ZNF184: variants seen among roughly 807,000 people sequenced by gnomAD.
ZNF184 encodes zinc finger protein 184 (Kruppel-like).
A neutral mutation model predicts 54.4 loss-of-function variants in ZNF184; 16 were observed. The ratio of observed to expected loss-of-function variants is 0.29; its 90% CI spans 0.20 to 0.45. ZNF184 has a LOEUF of 0.45. Among genes scored for constraint, ZNF184 ranks in the 20% least tolerant of loss-of-function variants. ZNF184 has a pLI of 1.00. For synonymous variants in ZNF184, 254 were observed against 295.3 expected, an observed-to-expected ratio of 0.86 and a Z score of 1.43; for missense variants, 681 against 888.2, an observed-to-expected ratio of 0.77 and a Z score of 2.97.
the ZNF184 span, among the ~76,000 whole-genome samples, chr6:27,432,093 A>T: frequency 1.3e-5 from 2 of 151,636 alleles, no homozygotes; most frequent in African/African-American, 4.9e-5. This position sits in a 1 kb window ranked among gnomAD's most constrained non-coding sequence, Gnocchi z 4.0. Flanking sequence ...AGTTTGAACA[A>T]CTCCCACCCC....
At chr6:27,427,120 A>AG in the ZNF184 span, among the ~76,000 whole-genome samples, 1 of 151,206 alleles carries the variant, frequency 6.6e-6, no homozygotes, top group Non-Finnish European at 1.5e-5. Flanking sequence ...TCTATGTAAA[A>AG]AAAAAAAAAA....
At chr6:27,469,428 G>A (rs1411207359) in intron 2 of ZNF184, among the ~76,000 whole-genome samples, 1 of 152,092 alleles carries the variant, frequency 6.6e-6, no homozygotes, top group East Asian at 1.9e-4. Context: ...GGATCACAAG[G>A]TCAGGAGTTA....
At chr6:27,411,859 G>C in the ZNF184 span, among the ~76,000 whole-genome samples, 2 of 152,318 alleles carry the variant, frequency 1.3e-5, no homozygotes, top group East Asian at 3.9e-4. Flanking sequence ...CCCTGTGGAG[G>C]CCAGCCGCCC....
At chr6:27,448,881 T>G (rs1012893201), downstream of ZNF184, among the ~76,000 whole-genome samples, 3 of 152,216 alleles carry the variant, frequency 2.0e-5, no homozygotes, top group Admixed American at 2.0e-4. Flanking sequence ...CCCTTCACCC[T>G]GCTTTATTAT....
chr6:27,446,711 A>C (rs1762640936), downstream of ZNF184, among the ~76,000 whole-genome samples: 1 of 152,216 alleles, frequency 6.6e-6, no homozygotes, highest in Non-Finnish European at 1.5e-5. Context: ...GCCTGGGAGA[A>C]CTACAGATAC....
In ZNF184 at chr6:27,453,178, C is replaced by T; in HGVS notation, c.381G>A (p.Val127=). 6.2e-7 allele frequency: 1 copy of T among 1,613,986 alleles called. No individual in the cohort carries two copies. The highest frequency in any genetic ancestry group is 1.1e-5 in the South Asian group (1 of 91,064). Residue 127 remains valine, a synonymous_variant, in exon 6 of 6, where the codon GTG becomes GTA. Coordinates refer to ENST00000683788, the MANE Select transcript of ZNF184 (RefSeq NM_001318891.2). The surrounding 1 kb of genome is among the most constrained non-coding windows in gnomAD (Gnocchi z 4.7). The stretch of plus-strand genomic sequence containing the variant: ...AAGAATCATCTCTTTTGTGTTTTTC[C>T]ACTATTACCTCTGGAGATAGCTCTT... The part of the protein sequence containing the change: ...SEEELSPEVI[V]EKHKRDDSWS...
chr6:27,425,368 C>G, the ZNF184 span, among the ~76,000 whole-genome samples: 1 of 152,236 alleles, frequency 6.6e-6, no homozygotes, highest in East Asian at 1.9e-4. Flanking sequence ...GCTGTGAGGA[C>G]TGCCAGCACG....
chr6:27,418,112 G>A, the ZNF184 span, among the ~76,000 whole-genome samples: 1 of 152,306 alleles, frequency 6.6e-6, no homozygotes, highest in Admixed American at 6.5e-5. Flanking sequence ...TGCTAATGGA[G>A]GCTGTATCTT....
chr6:27,472,425 T>G lies in ZNF184; in HGVS notation c.-131A>C. On this transcript the variant is annotated 5_prime_UTR_variant, in exon 2 of 6. Coordinates refer to ENST00000683788, the MANE Select transcript of ZNF184 (RefSeq NM_001318891.2). The surrounding 1 kb of genome is among the most constrained non-coding windows in gnomAD (Gnocchi z 4.8). ...GCAGGGAATCTGCAACACGCTGAGG[T>G]TGTCTACCCTAAAAGACACAGGATG... 3 of 1,151,986 alleles carry G rather than the reference T, an allele frequency of 2.6e-6. No homozygotes were observed. The highest frequency in any genetic ancestry group is 2.5e-6 in the Non-Finnish European group (2 of 786,884). 71.4% of individuals were successfully genotyped at this position (1,151,986 alleles called of 1,614,324 possible).
chr6:27,408,002 A>T, the ZNF184 span: 2 of 1,383,312 alleles, frequency 1.4e-6, no homozygotes, highest in Non-Finnish European at 2.1e-6. Context: ...AGTAGATGTT[A>T]TTTGTTCATC....
chr6:27,411,390 C>A, the ZNF184 span, among the ~76,000 whole-genome samples: 2 of 152,128 alleles, frequency 1.3e-5, no homozygotes, highest in Non-Finnish European at 2.9e-5. Context: ...AAAGAAAGAT[C>A]CAGTGAAACT....
In ZNF184 at chr6:27,472,617, A is replaced by G; in HGVS notation, c.-140+112T>C. ...GCGGGTTCTGCTTCAGATCCAAAAA[A>G]CCCTTGGTGCCCACCCTAGAATCTG... On this transcript the variant is annotated intron_variant, in intron 1 of 5. Transcript: ENST00000683788. The surrounding 1 kb of genome is among the most constrained non-coding windows in gnomAD (Gnocchi z 4.8). 1 of 336,860 alleles carries G rather than the reference A, an allele frequency of 3.0e-6. No individual in the cohort carries two copies. The highest frequency in any genetic ancestry group is 6.3e-5 in the East Asian group (1 of 15,780). 20.9% of individuals were successfully genotyped at this position (336,860 alleles called of 1,614,324 possible). A position where few individuals can be genotyped will look rare whatever the true frequency, so the allele number is the denominator to read the frequency against.
chr6:27,408,421 G>A, the ZNF184 span, among the ~76,000 whole-genome samples: 1 of 152,184 alleles, frequency 6.6e-6, no homozygotes, highest in Admixed American at 6.5e-5. Context: ...TGCCCTGGTG[G>A]TTCCTATCTC....
At position 27,451,706 on chromosome 6, in the gene ZNF184, T is replaced by C. The variant is rs766395652; in HGVS notation, c.1853A>G (p.Glu618Gly). 6.2e-7 allele frequency: 1 copy of C among 1,614,006 alleles called. No homozygotes were observed. Among genetic ancestry groups the C allele is most frequent in the South Asian group, 1.1e-5 (1 of 91,056 alleles). ...ACAATGTCGAAAGGCTTTACCACAC[T>C]CAGCACACTCATAAGGCTTGGCTCC... ...HTGAKPYECA[E>G]CGKAFRHCSS... Residue 618 changes from glutamate to glycine, a missense_variant, in exon 6 of 6, where the codon GAG becomes GGG. Transcript: ENST00000683788.
intron 2 of ZNF184, among the ~76,000 whole-genome samples, chr6:27,468,639 C>A (rs1419386362): frequency 3.3e-5 from 5 of 152,104 alleles, no homozygotes; most frequent in African/African-American, 7.2e-5. Flanking sequence ...CAACAGAACA[C>A]AGCATAAACA....
the ZNF184 span, among the ~76,000 whole-genome samples, chr6:27,441,192 T>C: frequency 6.6e-6 from 1 of 152,130 alleles, no homozygotes; most frequent in Non-Finnish European, 1.5e-5. Context: ...AAGCATGAAC[T>C]CTGAAGCAAG....
the ZNF184 span, among the ~76,000 whole-genome samples, chr6:27,426,379 G>C: frequency 3.3e-5 from 5 of 152,144 alleles, no homozygotes; most frequent in Non-Finnish European, 7.3e-5. The surrounding 1 kb of genome is among the most constrained non-coding windows in gnomAD (Gnocchi z 4.2). Context: ...CCTCCCACTG[G>C]TGAATCTAAT....
At chr6:27,455,758 A>G (rs575770658) in intron 5 of ZNF184, among the ~76,000 whole-genome samples, 2 of 152,246 alleles carry the variant, frequency 1.3e-5, no homozygotes, top group East Asian at 1.9e-4. Context: ...GAAACTTGCT[A>G]AAGTTTGAAC....
the ZNF184 span, among the ~76,000 whole-genome samples, chr6:27,424,383 C>T: frequency 3.3e-5 from 5 of 152,192 alleles, no homozygotes; most frequent in African/African-American, 1.2e-4. Flanking sequence ...GTTGCCACTG[C>T]TGGCCCCGCA....
Sources: gnomAD v4.1 joint callset for allele counts (sites outside exome capture counted in the v4.1 genomes callset) on GRCh38, gnomAD v4.1.1 for gene constraint, Gnocchi (gnomAD v3.1) non-coding constraint, MANE v1.5 for transcripts, NCBI Gene and HGNC (gene_info 2026-07-23, HGNC 2026-07-21) for gene names.